The following WDR41 variants were observed in gnomAD, a reference collection of about 807,000 sequenced individuals.
The protein encoded by WDR41 is WD repeat domain 41, also known as WD repeat-containing protein 41.
Under a neutral mutation model 69.3 loss-of-function variants are expected in WDR41, and 63 were observed. The ratio of observed to expected loss-of-function variants is 0.91; its 90% CI spans 0.74 to 1.12. The LOEUF is 1.12. Ranked by LOEUF, WDR41 falls within the 50% of genes most tolerant of loss-of-function variation. The pLI is 0.00. For synonymous variants in WDR41, 185 were observed against 192.1 expected (o/e 0.96, Z 0.31); for missense variants, 543 against 534.5 (o/e 1.02, Z -0.16).
chr5:77,595,762 T>C (rs1744216240), intron 1 of WDR41, among the ~76,000 whole-genome samples: 1 of 152,244 alleles, frequency 6.6e-6, no homozygotes, highest in Non-Finnish European at 1.5e-5. Context: ...TTATCTAATG[T>C]AATTTCACAT....
chr5:77,512,685 G>A (rs910675692), intron 1 of WDR41, among the ~76,000 whole-genome samples: 2 of 146,334 alleles, frequency 1.4e-5, no homozygotes, highest in African/African-American at 2.6e-5. Flanking sequence ...GGCGGAGGTT[G>A]CAGTGAGCTG....
Position 77,464,805 on chromosome 5 carries a change from C to T in WDR41, c.172G>A (p.Ala58Thr). The T allele has an allele frequency of 1.9e-6, 3 of 1,609,764 alleles. No homozygotes were observed. The highest frequency in any genetic ancestry group is 2.2e-5 in the South Asian group (2 of 90,848). The stretch of plus-strand genomic sequence containing the variant: ...ACAATTCCATCATCACCAGCAGATG[C>T]AAATCTGGTTAGGGAGAAAGGGTCA... The part of the protein sequence containing the change: ...FLVQLDDYRF[A>T]SAGDDGIVVV... Residue 58 changes from alanine to threonine, a missense_variant, in exon 3 of 13, where the codon GCA becomes ACA. Physicochemically the swap from Ala to Thr is moderately conservative, Grantham distance 58 (BLOSUM62 0). Transcript: ENST00000296679.
rs573004087 is a variant in WDR41, at chr5:77,582,510, A to G, written c.42+37969T>C. On this transcript the variant is annotated intron_variant, in intron 1 of 5. Coordinates refer to the WDR41 transcript ENST00000509971. ...TTGCCCAAAAGATGCTTCGAAAGGC[A>G]AGGAGGAAGCTTATCTATGAAAAAG... The G allele has an allele frequency of 1.5e-4, 241 of 1,599,488 alleles. No homozygotes were observed. The African/African-American group carries it at 3.1e-3, about 20-fold the overall frequency.
At chr5:77,482,784 T>C (rs944784763) in intron 2 of WDR41, among the ~76,000 whole-genome samples, 1 of 149,936 alleles carries the variant, frequency 6.7e-6, no homozygotes, top group Non-Finnish European at 1.5e-5. Context: ...CACTCTGACA[T>C]AATGATTATT....
chr5:77,456,419 T>C (rs1360450605), intron 5 of WDR41, among the ~76,000 whole-genome samples: 2 of 152,260 alleles, frequency 1.3e-5, no homozygotes, highest in South Asian at 2.1e-4. Context: ...GATTTCTGTG[T>C]GTTGATATTA....
intron 2 of WDR41, among the ~76,000 whole-genome samples, chr5:77,465,222 T>C (rs1216400977): frequency 1.3e-5 from 2 of 152,216 alleles, no homozygotes; most frequent in Non-Finnish European, 2.9e-5. Context: ...TAAATAATTA[T>C]TATTTAAAGT....
At chr5:77,566,650 G>T (rs759029839) in intron 1 of WDR41, among the ~76,000 whole-genome samples, 2 of 152,160 alleles carry the variant, frequency 1.3e-5, no homozygotes. Flanking sequence ...ATGCACGCTT[G>T]TGTGGTGGGG....
At chr5:77,541,646 C>A (rs1409918276) in intron 1 of WDR41, among the ~76,000 whole-genome samples, 2 of 152,098 alleles carry the variant, frequency 1.3e-5, no homozygotes, top group East Asian at 3.9e-4. Flanking sequence ...GCATCCACCA[C>A]CACGCCAGGC....
upstream of WDR41, among the ~76,000 whole-genome samples, chr5:77,495,512 A>G (rs761418474): frequency 1.3e-5 from 2 of 152,050 alleles, no homozygotes; most frequent in African/African-American, 2.4e-5. Context: ...CAAATTAGAT[A>G]ACCTAAAAGA....
chr5:77,517,016 C>CA (rs11286686), intron 1 of WDR41, among the ~76,000 whole-genome samples: 434 of 112,880 alleles, frequency 3.8e-3, no homozygotes, highest in South Asian at 5.2e-3. Flanking sequence ...ACTCCATCTC[C>CA]AAAAAAAAAA....
At chr5:77,482,614 T>C (rs559697617) in intron 2 of WDR41, among the ~76,000 whole-genome samples, 1 of 152,304 alleles carries the variant, frequency 6.6e-6, no homozygotes, top group African/African-American at 2.4e-5. Flanking sequence ...GATCCATATC[T>C]GACTTTTTGG....
chr5:77,488,333 G>A (rs1801612598), intron 2 of WDR41, among the ~76,000 whole-genome samples: 1 of 152,128 alleles, frequency 6.6e-6, no homozygotes, highest in African/African-American at 2.4e-5. Flanking sequence ...GAGCACGGTG[G>A]CTGATGCCTG....
chr5:77,587,301 C>A (rs1744059003), intron 1 of WDR41, among the ~76,000 whole-genome samples: 1 of 152,102 alleles, frequency 6.6e-6, no homozygotes, highest in Non-Finnish European at 1.5e-5. Flanking sequence ...TTCCCTAAAC[C>A]AGTCCAGTGC....
intron 1 of WDR41, among the ~76,000 whole-genome samples, chr5:77,514,692 G>T (rs751087424): frequency 6.6e-6 from 1 of 152,136 alleles, no homozygotes; most frequent in African/African-American, 2.4e-5. Flanking sequence ...TGCCATTGTA[G>T]AGGGTACTTA....
intron 1 of WDR41, among the ~76,000 whole-genome samples, chr5:77,534,902 A>C (rs1742936415): frequency 6.6e-6 from 1 of 152,184 alleles, no homozygotes; most frequent in Admixed American, 6.5e-5. Context: ...AGACAAAGGG[A>C]TGTTTTGACT....
At chr5:77,509,433 G>A (rs561304501) in intron 1 of WDR41, among the ~76,000 whole-genome samples, 53 of 152,254 alleles carry the variant, frequency 3.5e-4, no homozygotes, top group African/African-American at 1.3e-3. Flanking sequence ...GTTTATAGCA[G>A]CACTATTCAT....
chr5:77,475,762 G>T lies in WDR41; in HGVS notation c.168-10953C>A, dbSNP rs544153606. On this transcript the variant is annotated intron_variant, in intron 2 of 12. Transcript: ENST00000296679. ...AACTGGAAACTCTAAAAAGCAGAGC[G>T]CCTCTCCTCCTCCAAAGGAACGCAG... Among the ~76,000 whole-genome samples, 92 of 152,286 alleles carry T rather than the reference G, an allele frequency of 6.0e-4. No homozygotes were observed. The East Asian group carries it at 0.015, about 25-fold the overall frequency.
intron 1 of WDR41, among the ~76,000 whole-genome samples, chr5:77,519,863 C>T (rs925954003): frequency 6.6e-6 from 1 of 150,674 alleles, no homozygotes; most frequent in Non-Finnish European, 1.5e-5. Flanking sequence ...TTAATCTAAG[C>T]CCTTGGATTG....
intron 8 of WDR41, among the ~76,000 whole-genome samples, chr5:77,446,652 C>T (rs1301791058): frequency 1.3e-5 from 2 of 152,090 alleles, no homozygotes; most frequent in African/African-American, 2.4e-5. Context: ...CTTCAACAAA[C>T]CTGACAAAAA....
Sources: allele counts gnomAD v4.1 joint callset (sites outside exome capture counted in the v4.1 genomes callset), GRCh38; gene constraint gnomAD v4.1.1; transcripts MANE v1.5; gene names NCBI Gene and HGNC (gene_info 2026-07-23, HGNC 2026-07-21).